TENM2: variants seen among roughly 807,000 people sequenced by gnomAD.
TENM2 encodes the protein teneurin-2.
TENM2 carries 52 observed loss-of-function variants against 245.2 expected under a neutral mutation model. The observed-to-expected ratio is 0.21, with a 90% CI of 0.17 to 0.27. TENM2 has a LOEUF of 0.27. Among genes scored for constraint, TENM2 ranks in the 10% least tolerant of loss-of-function variants. The probability of loss-of-function intolerance (pLI) is 1.00; values close to 1 mark genes in which losing one functional copy is unlikely to be tolerated. For missense variants in TENM2, 3,046 were observed against 3,666.8 expected (o/e 0.83, Z 4.37); for synonymous variants, 1,363 against 1,438.9 (o/e 0.95, Z 1.19).
intron 2 of TENM2, among the ~76,000 whole-genome samples, chr5:167,731,108 G>A (rs570911632): frequency 1.1e-4 from 16 of 151,142 alleles, no homozygotes; most frequent in Non-Finnish European, 2.4e-4. Flanking sequence ...TTCCACCCTT[G>A]AAAGATGCAA....
At chr5:167,252,415 A>G in the TENM2 span, among the ~76,000 whole-genome samples, 2 of 152,150 alleles carry the variant, frequency 1.3e-5, no homozygotes, top group Admixed American at 6.6e-5. Flanking sequence ...TAAGTAGGCG[A>G]ATGGCTTTGG....
intron 2 of TENM2, among the ~76,000 whole-genome samples, chr5:167,784,808 C>A (rs1248250666): frequency 6.6e-6 from 1 of 152,184 alleles, no homozygotes; most frequent in Non-Finnish European, 1.5e-5. Flanking sequence ...ACCCGTATCT[C>A]ATCAGAACCT....
chr5:167,392,394 C>G (rs1761809672), intron 2 of TENM2, among the ~76,000 whole-genome samples: 1 of 152,140 alleles, frequency 6.6e-6, no homozygotes, highest in Admixed American at 6.5e-5. Flanking sequence ...AGTCAATGGT[C>G]TCCCCCAGTG....
intron 2 of TENM2, among the ~76,000 whole-genome samples, chr5:167,404,349 G>A (rs913721890): frequency 6.2e-4 from 94 of 151,954 alleles, no homozygotes; most frequent in Non-Finnish European, 1.2e-3. Flanking sequence ...ATGACTGACC[G>A]TCCATCAGCA....
At chr5:167,035,292 A>G in the TENM2 span, among the ~76,000 whole-genome samples, 4 of 152,208 alleles carry the variant, frequency 2.6e-5, no homozygotes, top group African/African-American at 9.6e-5. Flanking sequence ...TCATGAGTCA[A>G]TATACACATT....
At chr5:168,043,329 T>C (rs1195027777) in intron 5 of TENM2, among the ~76,000 whole-genome samples, 2 of 152,058 alleles carry the variant, frequency 1.3e-5, no homozygotes, top group African/African-American at 4.8e-5. Context: ...CCTCAGGCAA[T>C]CCTCTTGCCT....
the TENM2 span, among the ~76,000 whole-genome samples, chr5:167,004,897 G>A: frequency 1.3e-5 from 2 of 151,966 alleles, no homozygotes; most frequent in Non-Finnish European, 2.9e-5. Context: ...AAGCATTCAG[G>A]CTAACCCTAT....
At chr5:168,054,073 G>A (rs971205062) in intron 6 of TENM2, among the ~76,000 whole-genome samples, 15 of 152,196 alleles carry the variant, frequency 9.9e-5, no homozygotes, top group Admixed American at 6.5e-5. Flanking sequence ...AGAGTCATAG[G>A]TATAAATACT....
At chr5:167,489,906 A>G (rs1163361088) in intron 2 of TENM2, among the ~76,000 whole-genome samples, 2 of 152,198 alleles carry the variant, frequency 1.3e-5, no homozygotes, top group Non-Finnish European at 2.9e-5. Flanking sequence ...CATTTCAATA[A>G]TATTAATATT....
intron 2 of TENM2, among the ~76,000 whole-genome samples, chr5:167,553,244 A>G (rs1388731694): frequency 2.0e-5 from 3 of 152,216 alleles, no homozygotes; most frequent in Non-Finnish European, 2.9e-5. Flanking sequence ...CACTGGCTCA[A>G]TGGTGACAGG....
chr5:167,362,547 A>G (rs1038186811), intron 1 of TENM2, among the ~76,000 whole-genome samples: 4 of 152,158 alleles, frequency 2.6e-5, no homozygotes, highest in African/African-American at 7.2e-5. Context: ...TTCTTCTGTG[A>G]TAGGAAAGTC....
intron 5 of TENM2, among the ~76,000 whole-genome samples, chr5:167,998,556 A>G (rs1301094726): frequency 6.6e-6 from 1 of 152,208 alleles, no homozygotes; most frequent in African/African-American, 2.4e-5. Context: ...AATACGCAAC[A>G]TACACTGAGC....
At chr5:167,471,092 G>A (rs745357857) in intron 2 of TENM2, among the ~76,000 whole-genome samples, 12 of 152,318 alleles carry the variant, frequency 7.9e-5, no homozygotes, top group Admixed American at 2.0e-4. Flanking sequence ...CTGCAAGACT[G>A]CGGCTTCTCT....
At chr5:167,007,600 T>G in the TENM2 span, among the ~76,000 whole-genome samples, 5 of 152,206 alleles carry the variant, frequency 3.3e-5, no homozygotes, top group Non-Finnish European at 5.9e-5. This position sits in a 1 kb window ranked among gnomAD's most constrained non-coding sequence, Gnocchi z 4.2. Flanking sequence ...ATTGTAGGCT[T>G]GAACACATAA....
intron 3 of TENM2, among the ~76,000 whole-genome samples, chr5:167,918,282 C>T (rs1181282569): frequency 2.0e-5 from 3 of 152,138 alleles, no homozygotes; most frequent in Non-Finnish European, 2.9e-5. Flanking sequence ...ATTGAGCGAG[C>T]GCTGAACATT....
At chr5:168,002,497 TAAAC>T (rs1467081100) in intron 5 of TENM2, among the ~76,000 whole-genome samples, 1 of 152,228 alleles carries the variant, frequency 6.6e-6, no homozygotes, top group Non-Finnish European at 1.5e-5. Context: ...CAGGCCGTGA[TAAAC>T]AAGATGGCAT....
intron 4 of TENM2, among the ~76,000 whole-genome samples, chr5:167,987,861 A>C (rs1374053369): frequency 6.6e-6 from 1 of 152,214 alleles, no homozygotes; most frequent in East Asian, 1.9e-4. Context: ...AATCTTCTAA[A>C]GATTAGTGAC....
chr5:167,515,631 A>G lies in TENM2; in HGVS notation c.502+140158A>G, dbSNP rs374050147. On this transcript the variant is annotated intron_variant, in intron 2 of 28. Transcript: ENST00000518659. The stretch of plus-strand genomic sequence containing the variant: ...GCAATATATATATACATATATATAC[A>G]TATATATGTATATATATACACATAT... Among the ~76,000 whole-genome samples the G allele has an allele frequency of 5.7e-3, 358 of 62,646 alleles. 10 individuals are homozygous for G. The South Asian group carries it at 0.06, about 11-fold the overall frequency. 41.1% of individuals were successfully genotyped at this position (62,646 alleles called of 152,430 possible).
At chr5:167,084,967 C>G in the TENM2 span, among the ~76,000 whole-genome samples, 1 of 152,076 alleles carries the variant, frequency 6.6e-6, no homozygotes, top group African/African-American at 2.4e-5. Context: ...CATAATTTGC[C>G]CAATTCAAAT....
Sources: allele counts gnomAD v4.1 joint callset (sites outside exome capture counted in the v4.1 genomes callset), GRCh38; gene constraint gnomAD v4.1.1; non-coding constraint Gnocchi (gnomAD v3.1); transcripts MANE v1.5; gene names NCBI Gene and HGNC (gene_info 2026-07-23, HGNC 2026-07-21).